MED13: variants seen among roughly 807,000 people sequenced by gnomAD.
MED13 encodes mediator complex subunit 13.
A neutral mutation model predicts 225.2 loss-of-function variants in MED13; 23 were observed. That is an observed-to-expected ratio of 0.10 (90% CI 0.07 to 0.14). The LOEUF is 0.14. Among genes scored for constraint, MED13 ranks in the 10% least tolerant of loss-of-function variants. MED13 has a pLI of 1.00. For missense variants in MED13, 2,197 were observed against 2,594.5 expected (o/e 0.85, Z 3.33); for synonymous variants, 942 against 889.2 (o/e 1.06, Z -1.06).
chr17:62,019,281 T>C (rs530540256), intron 8 of MED13, among the ~76,000 whole-genome samples: 67 of 152,350 alleles, frequency 4.4e-4, no homozygotes, highest in East Asian at 1.7e-3. Context: ...AATTAGCTTT[T>C]TGGCTACTGT....
rs146819480 is a variant in MED13 at position 61,958,417 on chromosome 17, C to T, written c.5481-1936G>A. 3.3e-3 allele frequency among the ~76,000 whole-genome samples: 495 copies of T among 152,030 alleles called. 3 individuals carry two copies. Among genetic ancestry groups the T allele is most frequent in the Middle Eastern group, 0.014 (4 of 294 alleles). ...GCAGTGGTGTGATCTCGGCTCACTG[C>T]AACCTTCGCTTCCTGGGTTCAAGGG... On this transcript the variant is annotated intron_variant, in intron 23 of 29. Transcript: ENST00000397786.
intron 8 of MED13, among the ~76,000 whole-genome samples, chr17:62,011,478 ACAGC>A (rs1211956969): frequency 4.6e-5 from 7 of 152,304 alleles, no homozygotes; most frequent in Admixed American, 4.6e-4. Flanking sequence ...ATGTGATCAG[ACAGC>A]CAAAGATTAT....
At chr17:62,050,393 G>A (rs1222515217) in intron 3 of MED13, among the ~76,000 whole-genome samples, 7 of 150,526 alleles carry the variant, frequency 4.7e-5, no homozygotes, top group African/African-American at 1.5e-4. Flanking sequence ...AGAGGGAAAA[G>A]AAGTGTGTGC....
intron 8 of MED13, among the ~76,000 whole-genome samples, chr17:62,024,738 A>G (rs2080684134): frequency 6.6e-6 from 1 of 152,166 alleles, no homozygotes; most frequent in African/African-American, 2.4e-5. Flanking sequence ...CTTTGTGTCC[A>G]TGAGTTCTCA....
chr17:62,045,320 C>T (rs1054335156), intron 3 of MED13, among the ~76,000 whole-genome samples: 1 of 152,106 alleles, frequency 6.6e-6, no homozygotes, highest in Admixed American at 6.6e-5. Flanking sequence ...TAAATGGCTA[C>T]AACAGATTCA....
Position 61,965,405 on chromosome 17 carries a change from G to A in MED13, c.4445C>T (p.Pro1482Leu). The change falls in exon 20 of 30, where the codon CCT (proline) becomes CTT (leucine). Residue 1482 changes from proline to leucine, a missense_variant. Pro to Leu is a moderately conservative substitution (Grantham distance 98). Around this residue, in one of 12 missense-constraint regions of MED13, gnomAD observed 457 missense variants for 442.2 expected, o/e 1.03. Coordinates refer to ENST00000397786, the MANE Select transcript of MED13 (RefSeq NM_005121.3). ...TGGAGTAATCAAAGACTGACTTGTA[G>A]GGGCAACTAAATTTGGCTGGGAAAG... ...SLLSQPNLVA[P>L]TSQSLITPPQ... is the part of the protein sequence containing the mutation. The A allele has an allele frequency of 6.2e-7, 1 of 1,614,162 alleles. No homozygotes were observed. Among genetic ancestry groups the A allele is most frequent in the Non-Finnish European group, 8.5e-7 (1 of 1,180,016 alleles).
chr17:61,952,556 G>C (rs1173070989), intron 27 of MED13, among the ~76,000 whole-genome samples: 1 of 152,166 alleles, frequency 6.6e-6, no homozygotes, highest in Admixed American at 6.5e-5. Context: ...TCTTAAAAAT[G>C]TGCAATTCAA....
Position 61,972,793 on chromosome 17 carries a change from G to A in MED13, c.3901C>T (p.Pro1301Ser). 3 of 1,613,818 alleles carry A rather than the reference G, an allele frequency of 1.9e-6. No individual in the cohort carries two copies. Among genetic ancestry groups the A allele is most frequent in the Non-Finnish European group, 2.5e-6 (3 of 1,179,930 alleles). ...DAIQKKRTVR[P>S]WGVQGPLTWQ... ...GTGAGAGGACCCTGAACACCCCAAGGTCTTACTGTTCTTTTTTTCTGAATG... is the reference window on the plus strand; with the variant it reads ...GTGAGAGGACCCTGAACACCCCAAGATCTTACTGTTCTTTTTTTCTGAATG... Residue 1301 changes from proline to serine, a missense_variant, in exon 17 of 30, where the codon CCT (proline) becomes TCT (serine). By Grantham distance (74) the Pro-to-Ser change is moderately conservative. Around this residue, in one of 12 missense-constraint regions of MED13, gnomAD observed 203 missense variants for 209.7 expected, o/e 0.97. Coordinates refer to ENST00000397786, the MANE Select transcript of MED13 (RefSeq NM_005121.3).
rs1267367816 is a variant in MED13 at position 61,993,196 on chromosome 17, C to CTT, written c.2182-577_2182-576dup. On this transcript the variant is annotated intron_variant, in intron 10 of 29. Transcript: ENST00000397786. ...CAAAGTCCATGTTCTTTCTTTCTTT[C>CTT]TTTCTTTTTTTTTTTTTTTTTTTGA... Among the ~76,000 whole-genome samples the CTT allele has an allele frequency of 4.8e-3, 616 of 127,258 alleles. 29 individuals carry two copies. The highest frequency in any genetic ancestry group is 0.017 in the African/African-American group (460 of 27,744). 83.5% of individuals were successfully genotyped at this position (127,258 alleles called of 152,430 possible).
Position 61,950,887 on chromosome 17 carries a change from A to G in MED13, c.6229T>C (p.Leu2077=), listed in dbSNP as rs1296759568. The G allele has an allele frequency of 6.2e-7, 1 of 1,613,956 alleles. No homozygotes were observed. Among genetic ancestry groups the G allele is most frequent in the Non-Finnish European group, 8.5e-7 (1 of 1,179,962 alleles). ...CATGCTGACCAGAACCAGTCAGGTAATGGACCTGCTTTGGCAGTTGATACA... is the reference window on the plus strand; with the variant it reads ...CATGCTGACCAGAACCAGTCAGGTAGTGGACCTGCTTTGGCAGTTGATACA... ...YFVSTAKAGP[L]PDWFWSACPQ... Residue 2077 remains leucine (L), a synonymous_variant, in exon 28 of 30, where the codon TTA becomes CTA. Transcript: ENST00000397786.
At chr17:62,032,737 GT>G (rs2080768638) in intron 5 of MED13, among the ~76,000 whole-genome samples, 2 of 152,220 alleles carry the variant, frequency 1.3e-5, no homozygotes, top group South Asian at 4.1e-4. Context: ...TGCAGGGTCA[GT>G]GCAGCTTCTC....
At chr17:61,960,832 G>T in intron 23 of MED13, 35 bp downstream of exon 23, 2 of 1,392,812 alleles carry the variant, frequency 1.4e-6, no homozygotes, top group East Asian at 2.3e-5. Flanking sequence ...TGTTACAAAT[G>T]GAATGATATG....
In MED13 at chr17:61,955,576, G is replaced by C; in HGVS notation, c.5783-9C>G. The C allele has an allele frequency of 6.5e-7, 1 of 1,547,106 alleles. No individual in the cohort carries two copies. Among genetic ancestry groups the C allele is most frequent in the Non-Finnish European group, 8.7e-7 (1 of 1,153,476 alleles). The stretch of plus-strand genomic sequence containing the variant: ...ACCAGTTGACACAGAATCTGAAAAT[G>C]AAAGACATTTTTTCTTTTAATAAAC... On this transcript the variant is annotated splice_polypyrimidine_tract_variant and intron_variant, in intron 25 of 29. Coordinates refer to ENST00000397786, the MANE Select transcript of MED13 (RefSeq NM_005121.3).
chr17:62,024,573 T>C (rs1194639157), intron 8 of MED13, among the ~76,000 whole-genome samples: 4 of 152,152 alleles, frequency 2.6e-5, no homozygotes, highest in Non-Finnish European at 1.5e-5. Flanking sequence ...AGGGGTAAAT[T>C]CGCAGGTTTG....
At chr17:61,981,138 T>C (rs1214081324) in intron 16 of MED13, among the ~76,000 whole-genome samples, 1 of 152,138 alleles carries the variant, frequency 6.6e-6, no homozygotes, top group East Asian at 1.9e-4. Context: ...TTATCCTGCC[T>C]TAGCCTCCCG....
chr17:61,957,371 A>G (rs1178645535), intron 23 of MED13, among the ~76,000 whole-genome samples: 3 of 149,288 alleles, frequency 2.0e-5, no homozygotes, highest in Admixed American at 6.7e-5. Context: ...TTTTTTTGAG[A>G]CGGAGTCTTG....
intron 10 of MED13, among the ~76,000 whole-genome samples, chr17:61,993,636 C>T (rs1224995351): frequency 6.6e-6 from 1 of 151,806 alleles, no homozygotes; most frequent in African/African-American, 2.4e-5. Flanking sequence ...TTGTATTAAA[C>T]ATATTATTGG....
chr17:62,048,467 G>T (rs76888249), intron 3 of MED13, among the ~76,000 whole-genome samples: 173 of 147,554 alleles, frequency 1.2e-3, no homozygotes, highest in African/African-American at 3.9e-3. Flanking sequence ...AAAGATATTA[G>T]AGCCTCTCCA....
chr17:61,944,427 G>T lies in MED13; in HGVS notation c.*2041C>A, dbSNP rs774017981. On this transcript the variant is annotated 3_prime_UTR_variant, in exon 30 of 30. Coordinates refer to ENST00000397786, the MANE Select transcript of MED13 (RefSeq NM_005121.3). ...AACAAAACATACCAACATAATGTGTGGTGTATTAGCATAATTTAAAAACAA... is the reference window on the plus strand; with the variant it reads ...AACAAAACATACCAACATAATGTGTTGTGTATTAGCATAATTTAAAAACAA... The T allele has an allele frequency of 5.3e-5, 8 of 150,232 alleles. No individual in the cohort carries two copies. The highest frequency in any genetic ancestry group is 2.0e-4 in the Admixed American group (3 of 15,082). 9.3% of individuals were successfully genotyped at this position (150,232 alleles called of 1,614,324 possible).
Sources: gnomAD v4.1 joint callset for allele counts (sites outside exome capture counted in the v4.1 genomes callset) on GRCh38, gnomAD v4.1.1 for gene constraint, gnomAD v4.1.1 regional missense constraint, MANE v1.5 for transcripts, NCBI Gene and HGNC (gene_info 2026-07-23, HGNC 2026-07-21) for gene names.